The following ISM1 variants were observed in gnomAD, a reference collection of about 807,000 sequenced individuals.
ISM1 encodes the protein isthmin-1.
ISM1 carries 25 observed loss-of-function variants against 46.3 expected under a neutral mutation model. The observed-to-expected ratio is 0.54, with a 90% CI of 0.39 to 0.75. The LOEUF is 0.75. ISM1 is among the 30% of genes least tolerant of loss of function. The probability of loss-of-function intolerance (pLI) is 0.00; values close to 1 mark genes in which losing one functional copy is unlikely to be tolerated. For missense variants in ISM1, 536 were observed against 625.4 expected (o/e 0.86, Z 1.52); for synonymous variants, 255 against 256.7 (o/e 0.99, Z 0.06).
At chr20:13,288,434 T>A in intron 3 of ISM1, 106 bp from the exon 4 acceptor site, 1 of 1,230,564 alleles carries the variant, frequency 8.1e-7, no homozygotes. Context: ...AGCAATCCCC[T>A]CCCACAGCGA....
At chr20:13,256,045 G>T (rs946084441) in intron 1 of ISM1, among the ~76,000 whole-genome samples, 13 of 151,912 alleles carry the variant, frequency 8.6e-5, no homozygotes, top group African/African-American at 2.9e-4. Context: ...AGAGCATCAG[G>T]CTGGGAGTTC....
intron 1 of ISM1, among the ~76,000 whole-genome samples, chr20:13,230,677 T>C (rs925976862): frequency 1.3e-5 from 2 of 151,184 alleles, no homozygotes; most frequent in African/African-American, 4.9e-5. Context: ...AGAGATGGGA[T>C]GGGGGTGTCG....
intron 1 of ISM1, among the ~76,000 whole-genome samples, chr20:13,262,180 T>A (rs1313444495): frequency 6.6e-6 from 1 of 151,966 alleles, no homozygotes. Context: ...TCATTAAATA[T>A]TTGCTCAAAG....
Position 13,293,157 on chromosome 20 carries a change from G to A in ISM1, c.877+694G>A, listed in dbSNP as rs1265413576. 3.4e-5 allele frequency among the ~76,000 whole-genome samples: 5 copies of A among 145,910 alleles called. No individual in the cohort carries two copies. The East Asian group carries it at 6.0e-4, about 17-fold the overall frequency. ...GGAGGTTGCAGTGAGCTGAGATCGCGCCACTGCACTCCAGCACTCCAGCCT... is the reference window on the plus strand; with the variant it reads ...GGAGGTTGCAGTGAGCTGAGATCGCACCACTGCACTCCAGCACTCCAGCCT... On this transcript the variant is annotated intron_variant, in intron 5 of 5. Transcript: ENST00000262487.
chr20:13,234,567 A>T (rs923925864), intron 1 of ISM1, among the ~76,000 whole-genome samples: 2 of 152,168 alleles, frequency 1.3e-5, no homozygotes, highest in African/African-American at 4.8e-5. Context: ...TTACATTCCC[A>T]CCAACAGTGT....
chr20:13,258,432 G>A (rs2039951444), intron 1 of ISM1, among the ~76,000 whole-genome samples: 1 of 152,110 alleles, frequency 6.6e-6, no homozygotes, highest in African/African-American at 2.4e-5. Flanking sequence ...TGGGCACTTT[G>A]TCCAGATATG....
intron 5 of ISM1, 47 bp from the exon 6 acceptor site, chr20:13,298,895 G>A: frequency 6.3e-7 from 1 of 1,588,008 alleles, no homozygotes; most frequent in Admixed American, 1.7e-5. Context: ...ACCTCCTGTG[G>A]GCCGGTTGTA....
chr20:13,320,107 C>T, the ISM1 span, among the ~76,000 whole-genome samples: 1 of 152,190 alleles, frequency 6.6e-6, no homozygotes, highest in African/African-American at 2.4e-5. Flanking sequence ...CCAGGGTCCC[C>T]TCCTGTGAGA....
At chr20:13,309,151 C>A in the ISM1 span, among the ~76,000 whole-genome samples, 51,995 of 151,876 alleles carry the variant, frequency 0.34, 9,815 homozygotes, top group Admixed American at 0.42. Context: ...TATCTGGACA[C>A]CAACATACAT....
At chr20:13,269,703 C>T (rs1600531297) in intron 1 of ISM1, among the ~76,000 whole-genome samples, 1 of 152,164 alleles carries the variant, frequency 6.6e-6, no homozygotes, top group Admixed American at 6.5e-5. Context: ...TCCCTGACCA[C>T]CTATCTAAGG....
intron 1 of ISM1, among the ~76,000 whole-genome samples, chr20:13,257,039 T>C (rs1366710685): frequency 2.0e-5 from 3 of 152,076 alleles, no homozygotes; most frequent in African/African-American, 7.2e-5. Context: ...AAGAGAATAA[T>C]AAAGAGGAGA....
At chr20:13,314,157 C>T in the ISM1 span, among the ~76,000 whole-genome samples, 1 of 151,980 alleles carries the variant, frequency 6.6e-6, no homozygotes, top group African/African-American at 2.4e-5. Context: ...AAAATTGTAA[C>T]ATACACATAA....
chr20:13,246,361 A>G (rs1397774233), intron 1 of ISM1, among the ~76,000 whole-genome samples: 1 of 151,768 alleles, frequency 6.6e-6, no homozygotes, highest in African/African-American at 2.4e-5. Flanking sequence ...CCACTGAGTG[A>G]ATATTGCATT....
the ISM1 span, among the ~76,000 whole-genome samples, chr20:13,320,259 C>T: frequency 1.3e-5 from 2 of 152,090 alleles, no homozygotes; most frequent in African/African-American, 4.8e-5. Context: ...GTGAGTTGAG[C>T]AAAAATACTT....
the ISM1 span, among the ~76,000 whole-genome samples, chr20:13,325,520 A>G: frequency 1.3e-5 from 2 of 152,146 alleles, no homozygotes; most frequent in Non-Finnish European, 2.9e-5. Flanking sequence ...GGATTATAAT[A>G]TTCACCTTTC....
At chr20:13,312,556 C>A in the ISM1 span, among the ~76,000 whole-genome samples, 4 of 152,328 alleles carry the variant, frequency 2.6e-5, no homozygotes, top group East Asian at 5.8e-4. Flanking sequence ...GGACAGGAGG[C>A]CTCAAACAAG....
At chr20:13,256,225 A>G (rs1252170686) in intron 1 of ISM1, among the ~76,000 whole-genome samples, 1 of 151,408 alleles carries the variant, frequency 6.6e-6, no homozygotes, top group Non-Finnish European at 1.5e-5. Flanking sequence ...GTGAAACCCC[A>G]TTTTTACTAA....
chr20:13,299,297 C>A lies in ISM1; in HGVS notation c.1233C>A (p.Ser411=), dbSNP rs767560781. 6.2e-7 allele frequency: 1 copy of A among 1,613,212 alleles called. No individual in the cohort carries two copies. Among genetic ancestry groups the A allele is most frequent in the Non-Finnish European group, 8.5e-7 (1 of 1,179,550 alleles). ...GTPNLISTEF[S]AELHYKVDVL... ...CCAACCTCATCAGCACCGAGTTCTC[C>A]GCGGAGCTCCACTACAAGGTGGACG... The change falls in exon 6 of 6, where the codon TCC becomes TCA. Residue 411 remains serine (S), a synonymous_variant. Transcript: ENST00000262487. The surrounding 1 kb of genome is among the most constrained non-coding windows in gnomAD (Gnocchi z 5.8).
intron 1 of ISM1, among the ~76,000 whole-genome samples, chr20:13,257,933 G>A (rs895056607): frequency 6.6e-6 from 1 of 152,030 alleles, no homozygotes; most frequent in African/African-American, 2.4e-5. Flanking sequence ...GGACAGCACC[G>A]TACAGTGAAA....
Sources: gnomAD v4.1 joint callset for allele counts (sites outside exome capture counted in the v4.1 genomes callset) on GRCh38, gnomAD v4.1.1 for gene constraint, Gnocchi (gnomAD v3.1) non-coding constraint, MANE v1.5 for transcripts, NCBI Gene and HGNC (gene_info 2026-07-23, HGNC 2026-07-21) for gene names.